LYPLAL1: variants seen among roughly 807,000 people sequenced by gnomAD.
LYPLAL1 encodes the protein lysophospholipase like 1.
In LYPLAL1, 23 loss-of-function variants were observed where a neutral mutation model predicts 19.7. The observed-to-expected ratio is 1.17, with a 90% CI of 0.84 to 1.65. The LOEUF is 1.65. LYPLAL1 is among the 40% of genes most tolerant of loss of function. The pLI is 0.00. For synonymous variants in LYPLAL1, 119 were observed against 96.3 expected (o/e 1.24, Z -1.38); for missense variants, 355 against 279.4 (o/e 1.27, Z -1.93).
chr1:219,218,680 G>A, the LYPLAL1 span, among the ~76,000 whole-genome samples: 2 of 152,174 alleles, frequency 1.3e-5, no homozygotes, highest in Admixed American at 6.5e-5. Context: ...CCAGCCTTCT[G>A]AAGGGAAGAC....
At chr1:219,407,603 A>G in the LYPLAL1 span, among the ~76,000 whole-genome samples, 1 of 152,322 alleles carries the variant, frequency 6.6e-6, no homozygotes, top group Non-Finnish European at 1.5e-5. Context: ...TTTGTGAATA[A>G]ACGTTCATTA....
intron 2 of LYPLAL1, among the ~76,000 whole-genome samples, chr1:219,187,785 T>C (rs1656843688): frequency 6.6e-6 from 1 of 151,766 alleles, no homozygotes; most frequent in South Asian, 2.1e-4. Context: ...ATCTGAAGCA[T>C]GATAGTAGGA....
chr1:219,205,451 AAGAC>A (rs1322992376), intron 3 of LYPLAL1, among the ~76,000 whole-genome samples: 3 of 152,262 alleles, frequency 2.0e-5, no homozygotes, highest in South Asian at 2.1e-4. Flanking sequence ...ATTCTGTAGA[AAGAC>A]TTTCAAATTA....
the LYPLAL1 span, among the ~76,000 whole-genome samples, chr1:219,396,896 A>G: frequency 3.9e-5 from 6 of 152,128 alleles, no homozygotes; most frequent in African/African-American, 1.4e-4. Flanking sequence ...TCCTACTTGG[A>G]TGCCTTTATT....
At chr1:219,181,624 G>A (rs1656291958) in intron 2 of LYPLAL1, among the ~76,000 whole-genome samples, 1 of 152,250 alleles carries the variant, frequency 6.6e-6, no homozygotes, top group East Asian at 1.9e-4. Context: ...AAAGTGTGAG[G>A]GTGTGCAAGA....
At chr1:219,288,257 T>A in the LYPLAL1 span, among the ~76,000 whole-genome samples, 1 of 152,172 alleles carries the variant, frequency 6.6e-6, no homozygotes. Flanking sequence ...AACTGTGGTA[T>A]GTTCAGACAA....
At chr1:219,335,421 C>A in the LYPLAL1 span, among the ~76,000 whole-genome samples, 5 of 151,544 alleles carry the variant, frequency 3.3e-5, no homozygotes, top group Non-Finnish European at 5.9e-5. Context: ...TGTAATTTTT[C>A]TGGGGTATAT....
the LYPLAL1 span, among the ~76,000 whole-genome samples, chr1:219,242,117 G>A: frequency 3.3e-5 from 5 of 152,110 alleles, no homozygotes; most frequent in African/African-American, 1.2e-4. Flanking sequence ...AGAGGGTAAG[G>A]CATCAAAGTG....
the LYPLAL1 span, among the ~76,000 whole-genome samples, chr1:219,358,825 T>G: frequency 6.6e-6 from 1 of 151,008 alleles, no homozygotes; most frequent in Non-Finnish European, 1.5e-5. Context: ...TTATAGTGCG[T>G]GTGTGTGTGC....
the LYPLAL1 span, among the ~76,000 whole-genome samples, chr1:219,360,126 T>C: frequency 6.6e-6 from 1 of 152,188 alleles, no homozygotes; most frequent in Non-Finnish European, 1.5e-5. Flanking sequence ...GAGAGCATTA[T>C]GCAGAATGGA....
At chr1:219,369,487 T>C in the LYPLAL1 span, among the ~76,000 whole-genome samples, 2 of 152,242 alleles carry the variant, frequency 1.3e-5, no homozygotes, top group African/African-American at 4.8e-5. Context: ...TTGGCCAAGC[T>C]GGTCTCAAAC....
the LYPLAL1 span, among the ~76,000 whole-genome samples, chr1:219,344,751 C>T: frequency 1.3e-5 from 2 of 152,200 alleles, no homozygotes; most frequent in Non-Finnish European, 2.9e-5. Context: ...TTGGAGTTCT[C>T]CTTGACTTCT....
the LYPLAL1 span, chr1:219,223,303 A>G: frequency 1.3e-5 from 2 of 152,114 alleles, no homozygotes; most frequent in Non-Finnish European, 2.9e-5. Context: ...AATAAAGTGA[A>G]AAATAATTTA....
the LYPLAL1 span, among the ~76,000 whole-genome samples, chr1:219,315,199 A>G: frequency 2.5e-4 from 38 of 152,248 alleles, no homozygotes; most frequent in Non-Finnish European, 5.3e-4. Flanking sequence ...TATTATAGAA[A>G]TAGTACCTTG....
At chr1:219,220,738 A>C in the LYPLAL1 span, among the ~76,000 whole-genome samples, 71,744 of 151,886 alleles carry the variant, frequency 0.47, 17,277 homozygotes, top group East Asian at 0.66. Context: ...TATAGCGAGC[A>C]TAAAAGATCC....
the LYPLAL1 span, among the ~76,000 whole-genome samples, chr1:219,377,857 G>T: frequency 6.6e-6 from 1 of 152,154 alleles, no homozygotes; most frequent in Non-Finnish European, 1.5e-5. Flanking sequence ...AAAGGTGTAG[G>T]CCACAGATAG....
the LYPLAL1 span, among the ~76,000 whole-genome samples, chr1:219,416,591 AC>A: frequency 1.3e-5 from 2 of 152,108 alleles, no homozygotes; most frequent in African/African-American, 4.8e-5. Context: ...ATGTGAACCC[AC>A]TTTTAATTGT....
chr1:219,335,503 A>G, the LYPLAL1 span, among the ~76,000 whole-genome samples: 1 of 151,946 alleles, frequency 6.6e-6, no homozygotes, highest in South Asian at 2.1e-4. Context: ...TATAAGAAAC[A>G]TAAAGTGCGA....
the LYPLAL1 span, among the ~76,000 whole-genome samples, chr1:219,349,801 C>T: frequency 6.6e-6 from 1 of 152,108 alleles, no homozygotes; most frequent in Non-Finnish European, 1.5e-5. Context: ...CTAAGAAAAA[C>T]TTCCAGGCTT....
Sources: allele counts gnomAD v4.1 joint callset (sites outside exome capture counted in the v4.1 genomes callset), GRCh38; gene constraint gnomAD v4.1.1; transcripts MANE v1.5; gene names NCBI Gene and HGNC (gene_info 2026-07-23, HGNC 2026-07-21).